Variants in PHACTR3 observed in about 807,000 individuals in gnomAD.
PHACTR3 encodes the protein protein phosphatase 1, regulatory subunit 123.
PHACTR3 carries 16 observed loss-of-function variants against 66.8 expected under a neutral mutation model. The observed-to-expected ratio is 0.24, with a 90% CI of 0.16 to 0.36. The LOEUF (loss-of-function observed/expected upper bound fraction) is 0.36, where lower values mean the gene tolerates loss of function less well. Among genes scored for constraint, PHACTR3 ranks in the 10% least tolerant of loss-of-function variants. PHACTR3 has a pLI of 1.00. For missense variants in PHACTR3, 647 were observed against 719.9 expected (o/e 0.90, Z 1.16); for synonymous variants, 323 against 292.1 (o/e 1.11, Z -1.08).
intron 1 of PHACTR3, among the ~76,000 whole-genome samples, chr20:59,626,007 A>T (rs2034433963): frequency 1.3e-5 from 2 of 152,144 alleles, no homozygotes; most frequent in African/African-American, 4.8e-5. Flanking sequence ...AGGCCAGCCC[A>T]TCTTGGGGTA....
At chr20:59,628,585 C>T (rs905443655) in intron 1 of PHACTR3, 6 of 982,348 alleles carry the variant, frequency 6.1e-6, no homozygotes, top group East Asian at 1.1e-4. Flanking sequence ...GTTCTCTCCC[C>T]GAGTTCTGTT....
At chr20:59,586,526 T>C (rs75522509) in intron 1 of PHACTR3, among the ~76,000 whole-genome samples, 2 of 135,764 alleles carry the variant, frequency 1.5e-5, no homozygotes, top group African/African-American at 5.8e-5. Context: ...ATTAACTCCA[T>C]TTTTTTTTTT....
intron 1 of PHACTR3, among the ~76,000 whole-genome samples, chr20:59,590,829 A>G (rs941967750): frequency 9.9e-5 from 15 of 152,136 alleles, no homozygotes; most frequent in South Asian, 4.2e-4. Context: ...ACATCCTCAC[A>G]AGCAAAAGGT....
intron 1 of PHACTR3, among the ~76,000 whole-genome samples, chr20:59,577,882 C>G (rs2146295633): frequency 6.6e-6 from 1 of 152,348 alleles, no homozygotes; most frequent in Non-Finnish European, 1.5e-5. Context: ...GCGTTGGGGT[C>G]GACAGTCTGG....
intron 8 of PHACTR3, among the ~76,000 whole-genome samples, chr20:59,832,433 C>A (rs1191196491): frequency 6.6e-6 from 1 of 152,166 alleles, no homozygotes; most frequent in Non-Finnish European, 1.5e-5. Flanking sequence ...AACTTCTTCC[C>A]CAAGTCTTGA....
intron 1 of PHACTR3, among the ~76,000 whole-genome samples, chr20:59,737,091 C>A (rs765515423): frequency 6.6e-6 from 1 of 152,152 alleles, no homozygotes; most frequent in Middle Eastern, 3.2e-3. Flanking sequence ...TCCCTGACTA[C>A]GACCCTGCCT....
At chr20:59,626,681 C>T (rs753265756) in intron 1 of PHACTR3, 2 of 152,322 alleles carry the variant, frequency 1.3e-5, no homozygotes, top group African/African-American at 2.4e-5. Context: ...TGGGGGAAGA[C>T]TTGGGCTTTA....
chr20:59,815,702 C>T (rs1012913095), intron 8 of PHACTR3, among the ~76,000 whole-genome samples: 7 of 152,144 alleles, frequency 4.6e-5, no homozygotes, highest in Non-Finnish European at 1.0e-4. Flanking sequence ...GGATTGCAGG[C>T]GTAAGCCACC....
At chr20:59,737,692 C>A (rs149803135) in intron 1 of PHACTR3, among the ~76,000 whole-genome samples, 1 of 152,166 alleles carries the variant, frequency 6.6e-6, no homozygotes, top group South Asian at 2.1e-4. Flanking sequence ...TAAATTCATA[C>A]CTTTATTCAT....
At chr20:59,765,439 C>G (rs1601301830) in intron 4 of PHACTR3, among the ~76,000 whole-genome samples, 1 of 152,182 alleles carries the variant, frequency 6.6e-6, no homozygotes, top group East Asian at 1.9e-4. Flanking sequence ...CCGTCTGCAG[C>G]TGGAGTATGT....
At position 59,705,644 on chromosome 20, in the gene PHACTR3, G is replaced by A. The variant is rs79937368; in HGVS notation, c.119-37463G>A. Among the ~76,000 whole-genome samples the A allele has an allele frequency of 9.0e-3, 1,363 of 152,274 alleles. 21 individuals are homozygous for A. Among genetic ancestry groups the A allele is most frequent in the African/African-American group, 0.031 (1,297 of 41,546 alleles). On this transcript the variant is annotated intron_variant, in intron 1 of 12. Coordinates refer to ENST00000371015, the MANE Select transcript of PHACTR3 (RefSeq NM_080672.5). ...GCTCAAAGGGTGAACAATGAAAGGG[G>A]TGCTTCCTGTGAAATGTTCCCATGG...
At chr20:59,811,293 C>T (rs1191784471) in intron 8 of PHACTR3, among the ~76,000 whole-genome samples, 1 of 152,194 alleles carries the variant, frequency 6.6e-6, no homozygotes, top group Non-Finnish European at 1.5e-5. Flanking sequence ...TGGCTTTGAT[C>T]AGGGTATCAG....
At chr20:59,627,409 G>T (rs527904876) in intron 1 of PHACTR3, among the ~76,000 whole-genome samples, 3 of 152,216 alleles carry the variant, frequency 2.0e-5, no homozygotes, top group African/African-American at 7.2e-5. Context: ...GGATCAGATG[G>T]CTGGGATGAG....
intron 1 of PHACTR3, among the ~76,000 whole-genome samples, chr20:59,699,917 G>A (rs1198774994): frequency 2.6e-5 from 4 of 152,114 alleles, no homozygotes; most frequent in South Asian, 2.1e-4. Flanking sequence ...AGCCAAGATC[G>A]CGCCACTGCA....
intron 1 of PHACTR3, among the ~76,000 whole-genome samples, chr20:59,703,757 T>C (rs1389690552): frequency 6.6e-6 from 1 of 152,114 alleles, no homozygotes. Flanking sequence ...GTCAGAGTTC[T>C]TGTCTGTCGT....
intron 1 of PHACTR3, among the ~76,000 whole-genome samples, chr20:59,593,857 T>G (rs1041980850): frequency 1.3e-5 from 2 of 152,226 alleles, no homozygotes; most frequent in Non-Finnish European, 1.5e-5. Flanking sequence ...TTCCACTGAT[T>G]TATTTGGCTG....
In PHACTR3 at chr20:59,670,608, G is replaced by T. The variant is rs543255090; in HGVS notation, c.118+65476G>T. ...GAGGACAGGCATCTGCCGGGGGTGG[G>T]GGGGGGGGGCAGGCACTTTTACTGT... On this transcript the variant is annotated intron_variant, in intron 1 of 12. Transcript: ENST00000371015. Among the ~76,000 whole-genome samples, 438 of 138,312 alleles carry T rather than the reference G, an allele frequency of 3.2e-3. 7 individuals carry two copies. The highest frequency in any genetic ancestry group is 0.01 in the African/African-American group (404 of 39,142). The allele number at this position is 138,312 out of a possible 152,430, so 90.7% of individuals were successfully genotyped here.
intron 1 of PHACTR3, among the ~76,000 whole-genome samples, chr20:59,712,038 T>A (rs2037930365): frequency 6.6e-6 from 1 of 152,226 alleles, no homozygotes; most frequent in Non-Finnish European, 1.5e-5. Flanking sequence ...TACTTTTTTA[T>A]ATGAATTTTG....
At chr20:59,837,685 C>T (rs879368440) in intron 9 of PHACTR3, among the ~76,000 whole-genome samples, 9 of 152,102 alleles carry the variant, frequency 5.9e-5, no homozygotes, top group Admixed American at 2.0e-4. Flanking sequence ...GTTTCAGTTG[C>T]CAAATATTTG....
Sources: allele counts gnomAD v4.1 joint callset (sites outside exome capture counted in the v4.1 genomes callset), GRCh38; gene constraint gnomAD v4.1.1; transcripts MANE v1.5; gene names NCBI Gene and HGNC (gene_info 2026-07-23, HGNC 2026-07-21).